MGMT: variants seen among roughly 807,000 people sequenced by gnomAD.
The protein encoded by MGMT is methylated-DNA--protein-cysteine methyltransferase.
In MGMT, 14 loss-of-function variants were observed where a neutral mutation model predicts 15.9. The ratio of observed to expected loss-of-function variants is 0.88; its 90% CI spans 0.58 to 1.37. The LOEUF (loss-of-function observed/expected upper bound fraction) is 1.37. Among genes scored for constraint, MGMT ranks in the 40% most tolerant of loss-of-function variants. The probability of loss-of-function intolerance (pLI) is 0.00; values close to 1 mark genes in which losing one functional copy is unlikely to be tolerated. For synonymous variants in MGMT, 130 were observed against 118.2 expected, an observed-to-expected ratio of 1.10 and a Z score of -0.65; for missense variants, 282 against 268.1, an observed-to-expected ratio of 1.05 and a Z score of -0.36.
At chr10:129,497,204 G>A (rs556405307) in intron 1 of MGMT, among the ~76,000 whole-genome samples, 4 of 152,058 alleles carry the variant, frequency 2.6e-5, no homozygotes, top group Non-Finnish European at 4.4e-5. Context: ...CCACTCCCCC[G>A]TCTCTGCACC....
intron 2 of MGMT, among the ~76,000 whole-genome samples, chr10:129,565,238 A>G (rs1846340744): frequency 6.6e-6 from 1 of 151,886 alleles, no homozygotes; most frequent in African/African-American, 2.4e-5. Context: ...TTCCTCGTAC[A>G]TGTGGAGTTT....
At chr10:129,725,234 G>C (rs1037782430) in intron 3 of MGMT, among the ~76,000 whole-genome samples, 1 of 152,212 alleles carries the variant, frequency 6.6e-6, no homozygotes, top group African/African-American at 2.4e-5. Context: ...AAGACACACA[G>C]AATCCACAGC....
At chr10:129,605,781 C>T (rs914533260) in intron 2 of MGMT, among the ~76,000 whole-genome samples, 1 of 152,134 alleles carries the variant, frequency 6.6e-6, no homozygotes, top group Non-Finnish European at 1.5e-5. Flanking sequence ...TTAGCTTGGT[C>T]TTGCGGGTTA....
chr10:129,548,664 C>G (rs930089027), intron 2 of MGMT, among the ~76,000 whole-genome samples: 8 of 152,214 alleles, frequency 5.3e-5, no homozygotes, highest in Non-Finnish European at 1.0e-4. Context: ...TGCAGGCAGC[C>G]TGGCGTCTGC....
intron 2 of MGMT, among the ~76,000 whole-genome samples, chr10:129,672,220 A>G (rs1403737367): frequency 6.6e-6 from 1 of 152,206 alleles, no homozygotes; most frequent in Non-Finnish European, 1.5e-5. Flanking sequence ...TTCAGAATCC[A>G]GAGATACTGT....
chr10:129,729,314 C>T (rs1848470204), intron 3 of MGMT, among the ~76,000 whole-genome samples: 1 of 152,218 alleles, frequency 6.6e-6, no homozygotes, highest in African/African-American at 2.4e-5. Context: ...CAGTCCCAGC[C>T]AGGAGAGCAG....
intron 1 of MGMT, among the ~76,000 whole-genome samples, chr10:129,494,869 A>G (rs1845504901): frequency 1.3e-5 from 2 of 151,894 alleles, no homozygotes; most frequent in African/African-American, 4.8e-5. Context: ...AGTACCAGGA[A>G]CTCCTTTTTG....
At position 129,731,503 on chromosome 10, in the gene MGMT, C is replaced by CTGCCTCCTACACCCTGCATATGCA. The variant is rs1564777363; in HGVS notation, c.274+23460_274+23461insTGCCTCCTACACCCTGCATATGCA. Among the ~76,000 whole-genome samples, 41 of 151,474 alleles carry CTGCCTCCTACACCCTGCATATGCA rather than the reference C, an allele frequency of 2.7e-4. No individual in the cohort carries two copies. In the East Asian group the frequency reaches 7.7e-3, roughly 28 times the overall value. On this transcript the variant is annotated intron_variant, in intron 3 of 4. Transcript: ENST00000651593. ...TCAGCTTCATACACCCTGCATATGC[C>CTGCCTCCTACACCCTGCATATGCA]GGCTGCCTCCTCAAGCAGTACAGCT... is the stretch of plus-strand genomic sequence containing the variant.
chr10:129,731,939 T>C (rs1848502955), intron 3 of MGMT, among the ~76,000 whole-genome samples: 1 of 152,094 alleles, frequency 6.6e-6, no homozygotes, highest in Non-Finnish European at 1.5e-5. Flanking sequence ...CCCAGAAAAC[T>C]CTTTTGTCAC....
rs955353950 is a variant in MGMT, at chr10:129,665,163, T to A, written c.126-42732T>A. Among the ~76,000 whole-genome samples the A allele has an allele frequency of 2.5e-4, 14 of 56,120 alleles. 1 individual carries two copies. The highest frequency in any genetic ancestry group is 3.5e-4 in the African/African-American group (7 of 20,112). 36.8% of individuals were successfully genotyped at this position (56,120 alleles called of 152,430 possible). A position where few individuals can be genotyped will look rare whatever the true frequency, so the allele number is the denominator to read the frequency against. ...CAGTCACCCACCCACTCCATCACTC[T>A]CTCTCTCTTCACCCACTCACCCACC... is the stretch of plus-strand genomic sequence containing the variant. On this transcript the variant is annotated intron_variant, in intron 2 of 4. Coordinates refer to ENST00000651593, the MANE Select transcript of MGMT (RefSeq NM_002412.5).
intron 2 of MGMT, among the ~76,000 whole-genome samples, chr10:129,685,064 CATAA>C (rs1237279655): frequency 3.3e-5 from 5 of 152,178 alleles, no homozygotes; most frequent in Non-Finnish European, 7.3e-5. Context: ...AGTGGCATCA[CATAA>C]AGGTTTCCAG....
intron 2 of MGMT, among the ~76,000 whole-genome samples, chr10:129,657,707 G>GCACACACACACACACACACA (rs57838117): frequency 1.8e-5 from 2 of 111,470 alleles, no homozygotes; most frequent in African/African-American, 6.5e-5. Context: ...ACACACACAC[G>GCACACACACACACACACACA]CACACACACA....
At chr10:129,716,597 T>C (rs1431438576) in intron 3 of MGMT, among the ~76,000 whole-genome samples, 56 of 152,164 alleles carry the variant, frequency 3.7e-4, no homozygotes, top group Non-Finnish European at 3.4e-4. Flanking sequence ...GCCCAAGACA[T>C]ATACTTTTCA....
intron 2 of MGMT, among the ~76,000 whole-genome samples, chr10:129,683,516 CA>C (rs1847875771): frequency 6.6e-6 from 1 of 150,726 alleles, no homozygotes; most frequent in African/African-American, 2.4e-5. Flanking sequence ...AACGTGCAGC[CA>C]TGAAATATGG....
chr10:129,613,487 C>G (rs949682410), intron 2 of MGMT, among the ~76,000 whole-genome samples: 1 of 152,172 alleles, frequency 6.6e-6, no homozygotes, highest in African/African-American at 2.4e-5. Flanking sequence ...CTGACTTGCC[C>G]TGTAGGACCC....
chr10:129,707,792 C>G (rs1848182149), intron 2 of MGMT, 103 bp from the exon 3 acceptor site: 1 of 1,474,674 alleles, frequency 6.8e-7, no homozygotes, highest in Non-Finnish European at 9.3e-7. Context: ...GCCCATGAAG[C>G]AGCCACAGGT....
intron 2 of MGMT, among the ~76,000 whole-genome samples, chr10:129,543,435 C>T (rs1039754541): frequency 6.6e-6 from 1 of 152,150 alleles, no homozygotes; most frequent in Non-Finnish European, 1.5e-5. Flanking sequence ...GCCCATCCAC[C>T]CCAGGACAGA....
intron 3 of MGMT, among the ~76,000 whole-genome samples, chr10:129,724,201 T>TA (rs1848406912): frequency 6.6e-6 from 1 of 152,186 alleles, no homozygotes; most frequent in African/African-American, 2.4e-5. Context: ...TCTGTGAACT[T>TA]AGCATTGAAA....
intron 3 of MGMT, among the ~76,000 whole-genome samples, chr10:129,720,066 C>T (rs532653770): frequency 3.2e-4 from 48 of 152,300 alleles, no homozygotes; most frequent in African/African-American, 1.1e-3. Flanking sequence ...GCCCGCCCTC[C>T]GCCCTTGCTT....
Sources: gnomAD v4.1 joint callset for allele counts (sites outside exome capture counted in the v4.1 genomes callset) on GRCh38, gnomAD v4.1.1 for gene constraint, MANE v1.5 for transcripts, NCBI Gene and HGNC (gene_info 2026-07-23, HGNC 2026-07-21) for gene names.